The following MB21D2 variants were observed in gnomAD, a reference collection of about 807,000 sequenced individuals.
MB21D2 encodes the protein Mab-21 domain containing 2.
Under a neutral mutation model 33.3 loss-of-function variants are expected in MB21D2, and 9 were observed. The observed-to-expected ratio is 0.27, with a 90% CI of 0.16 to 0.47. The LOEUF (loss-of-function observed/expected upper bound fraction) is 0.47. MB21D2 is among the 20% of genes least tolerant of loss of function. The pLI is 0.99. For synonymous variants in MB21D2, 241 were observed against 236.3 expected (o/e 1.02, Z -0.18); for missense variants, 540 against 624.6 (o/e 0.86, Z 1.44).
intron 1 of MB21D2, among the ~76,000 whole-genome samples, chr3:192,826,799 A>G (rs986554843): frequency 2.0e-5 from 3 of 152,008 alleles, no homozygotes; most frequent in Admixed American, 2.0e-4. Context: ...GAGGAGGCTG[A>G]GTGCAGATGA....
rs200378577 is a variant in MB21D2 at position 192,798,588 on chromosome 3, G to A, written c.1274C>T (p.Thr425Ile). 2.1e-4 allele frequency: 347 copies of A among 1,614,030 alleles called. 1 individual carries two copies. Among genetic ancestry groups the A allele is most frequent in the Middle Eastern group, 1.6e-4 (1 of 6,084 alleles). The change falls in exon 2 of 2, where the codon ACA (threonine) becomes ATA (isoleucine). Residue 425 changes from threonine to isoleucine, a missense_variant. Physicochemically the swap from Thr to Ile is moderately conservative, Grantham distance 89. Transcript: ENST00000392452. The surrounding 1 kb of genome is among the most constrained non-coding windows in gnomAD (Gnocchi z 4.8). ...GCTACCTCGCCTCTGGAGCTCCAGT[G>A]TCAGCCGGTTGGCTGCCTTGACATG... The part of the protein sequence containing the change: ...IEHVKAANRL[T>I]LELQRRGSTT...
At chr3:192,813,802 G>T (rs1235085025) in intron 1 of MB21D2, among the ~76,000 whole-genome samples, 1 of 152,160 alleles carries the variant, frequency 6.6e-6, no homozygotes. Context: ...TCAATTTGTT[G>T]TAAGGTGGGA....
At position 192,821,920 on chromosome 3, in the gene MB21D2, C is replaced by T. The variant is rs1712067974; in HGVS notation, c.212-22270G>A. ...ATTTTTTTCTCTTCCTCTTCCTTTC[C>T]CTCCCCTCCTATACAGCCTCCTACT... On this transcript the variant is annotated intron_variant, in intron 1 of 1. Transcript: ENST00000392452. 2.6e-5 allele frequency among the ~76,000 whole-genome samples: 4 copies of T among 152,062 alleles called. No homozygotes were observed. In the South Asian group the frequency reaches 8.3e-4, roughly 32 times the overall value.
At chr3:192,915,577 CA>C (rs1171755210) in intron 1 of MB21D2, among the ~76,000 whole-genome samples, 5 of 152,068 alleles carry the variant, frequency 3.3e-5, no homozygotes, top group Non-Finnish European at 7.4e-5. Context: ...GCTAAATTCC[CA>C]GGGGGCAAGA....
chr3:192,824,630 G>C (rs1195396295), intron 1 of MB21D2, among the ~76,000 whole-genome samples: 1 of 152,126 alleles, frequency 6.6e-6, no homozygotes, highest in Admixed American at 6.5e-5. Flanking sequence ...TGTTTATAAA[G>C]AGGCGCTTGA....
chr3:192,884,646 C>A (rs533174504), intron 1 of MB21D2, among the ~76,000 whole-genome samples: 1 of 151,988 alleles, frequency 6.6e-6, no homozygotes, highest in Non-Finnish European at 1.5e-5. Context: ...GCATTACAGG[C>A]GTGAGCCATC....
intron 1 of MB21D2, among the ~76,000 whole-genome samples, chr3:192,830,521 T>C (rs553295708): frequency 1.3e-5 from 2 of 152,328 alleles, no homozygotes; most frequent in East Asian, 3.9e-4. Flanking sequence ...ATCTGCTTCA[T>C]ACACCCCTTT....
In MB21D2 at chr3:192,799,686, G is replaced by A. The variant is rs756735321; in HGVS notation, c.212-36C>T. 1.9e-6 allele frequency: 3 copies of A among 1,580,656 alleles called. No individual in the cohort carries two copies. The East Asian group carries it at 6.7e-5, about 36-fold the overall frequency. The stretch of plus-strand genomic sequence containing the variant: ...AGAAGAAAAAAACAACACTATTACA[G>A]GAAACACAGACATAAGAGTCTTATG... On this transcript the variant is annotated intron_variant, in intron 1 of 1. Coordinates refer to ENST00000392452, the MANE Select transcript of MB21D2 (RefSeq NM_178496.4). This position sits in a 1 kb window ranked among gnomAD's most constrained non-coding sequence, Gnocchi z 4.1.
chr3:192,828,912 G>A (rs1444231087), intron 1 of MB21D2, among the ~76,000 whole-genome samples: 1 of 151,544 alleles, frequency 6.6e-6, no homozygotes, highest in African/African-American at 2.4e-5. Context: ...GCCTTCCAAA[G>A]TGCTGGGATT....
chr3:192,889,891 G>A (rs1458052335), intron 1 of MB21D2, among the ~76,000 whole-genome samples: 1 of 151,764 alleles, frequency 6.6e-6, no homozygotes, highest in Non-Finnish European at 1.5e-5. Context: ...TCAACACTTC[G>A]TTTAACAAAA....
chr3:192,914,373 G>T (rs557725161), intron 1 of MB21D2, among the ~76,000 whole-genome samples: 3 of 152,280 alleles, frequency 2.0e-5, no homozygotes, highest in Admixed American at 2.0e-4. Flanking sequence ...TTAGGTGACG[G>T]CTTGTTTCTT....
chr3:192,895,192 T>C (rs1713939663), intron 1 of MB21D2, among the ~76,000 whole-genome samples: 1 of 152,112 alleles, frequency 6.6e-6, no homozygotes, highest in Non-Finnish European at 1.5e-5. Flanking sequence ...GGTCCAGTGC[T>C]CACCTCCTTC....
intron 1 of MB21D2, among the ~76,000 whole-genome samples, chr3:192,846,718 C>T (rs938118978): frequency 3.3e-5 from 5 of 152,192 alleles, no homozygotes; most frequent in Admixed American, 6.5e-5. Flanking sequence ...ATATTCCAAA[C>T]GTGCACTACT....
intron 1 of MB21D2, among the ~76,000 whole-genome samples, chr3:192,903,897 T>C (rs968008235): frequency 6.6e-6 from 1 of 152,210 alleles, no homozygotes; most frequent in Admixed American, 6.5e-5. Context: ...TTTACTTCCA[T>C]CATGACTGGA....
At chr3:192,851,712 C>G (rs1712810565) in intron 1 of MB21D2, among the ~76,000 whole-genome samples, 1 of 151,982 alleles carries the variant, frequency 6.6e-6, no homozygotes, top group South Asian at 2.1e-4. Flanking sequence ...GTTTGCCAGG[C>G]TGGTCTTGAA....
At chr3:192,817,414 G>GGGAAGGAGGGAA (rs1711951829) in intron 1 of MB21D2, among the ~76,000 whole-genome samples, 1 of 151,058 alleles carries the variant, frequency 6.6e-6, no homozygotes, top group East Asian at 1.9e-4. Context: ...GAGGGAAGGA[G>GGGAAGGAGGGAA]GGAAGGAGGG....
At chr3:192,835,009 C>T (rs1712402573) in intron 1 of MB21D2, among the ~76,000 whole-genome samples, 1 of 150,800 alleles carries the variant, frequency 6.6e-6, no homozygotes. Context: ...AGGGTTTCAC[C>T]ATGTTGGCCA....
At chr3:192,864,519 G>A (rs1307641721) in intron 1 of MB21D2, among the ~76,000 whole-genome samples, 1 of 152,072 alleles carries the variant, frequency 6.6e-6, no homozygotes, top group Non-Finnish European at 1.5e-5. Context: ...TGTTGTTGTT[G>A]TTTTTTGACA....
At chr3:192,862,626 A>C (rs1394160728) in intron 1 of MB21D2, among the ~76,000 whole-genome samples, 1 of 152,144 alleles carries the variant, frequency 6.6e-6, no homozygotes, top group African/African-American at 2.4e-5. Context: ...CTGCTCCTTT[A>C]ACTGTGAGTA....
Sources: allele counts gnomAD v4.1 joint callset (sites outside exome capture counted in the v4.1 genomes callset), GRCh38; gene constraint gnomAD v4.1.1; non-coding constraint Gnocchi (gnomAD v3.1); transcripts MANE v1.5; gene names NCBI Gene and HGNC (gene_info 2026-07-23, HGNC 2026-07-21).